The following MAGI1 variants were observed in gnomAD, a reference collection of about 807,000 sequenced individuals.
The protein encoded by MAGI1 is membrane associated guanylate kinase, WW and PDZ domain containing 1.
MAGI1 carries 58 observed loss-of-function variants against 139.9 expected under a neutral mutation model. The observed-to-expected ratio is 0.41, with a 90% CI of 0.34 to 0.52. The LOEUF (loss-of-function observed/expected upper bound fraction) is 0.52, where lower values mean the gene tolerates loss of function less well. Ranked by LOEUF, MAGI1 falls within the 20% of genes least tolerant of loss-of-function variation. The pLI, the probability that MAGI1 is intolerant of heterozygous loss-of-function variation, is 0.12. For missense variants in MAGI1, 1,874 were observed against 1,901.6 expected, an observed-to-expected ratio of 0.99 and a Z score of 0.27; for synonymous variants, 812 against 737.9, an observed-to-expected ratio of 1.10 and a Z score of -1.63.
chr3:65,446,724 A>T (rs1354148038), intron 7 of MAGI1, among the ~76,000 whole-genome samples: 1 of 152,164 alleles, frequency 6.6e-6, no homozygotes. Context: ...ATATCATTGG[A>T]TTGACAAATT....
intron 12 of MAGI1, among the ~76,000 whole-genome samples, chr3:65,408,089 T>A (rs549079698): frequency 1.3e-5 from 2 of 152,366 alleles, no homozygotes; most frequent in South Asian, 4.1e-4. Context: ...CTTTGAAACC[T>A]TCACTAGTGA....
At chr3:65,478,567 G>A (rs749004464) in intron 4 of MAGI1, 25 bp downstream of exon 4, 5 of 1,605,554 alleles carry the variant, frequency 3.1e-6, no homozygotes, top group Admixed American at 1.7e-5. Flanking sequence ...CAGGTCCATT[G>A]AGGGCAACAT....
At chr3:65,833,593 G>A (rs866802458) in intron 1 of MAGI1, among the ~76,000 whole-genome samples, 4 of 152,088 alleles carry the variant, frequency 2.6e-5, no homozygotes, top group Non-Finnish European at 4.4e-5. Flanking sequence ...AATCATCGAC[G>A]ACTTACCTAT....
intron 1 of MAGI1, among the ~76,000 whole-genome samples, chr3:65,745,984 C>T (rs1332424972): frequency 6.6e-6 from 1 of 152,100 alleles, no homozygotes; most frequent in Non-Finnish European, 1.5e-5. Flanking sequence ...CCCACCTCAG[C>T]TTCCCAAAGT....
chr3:65,551,564 T>C (rs997338990), intron 2 of MAGI1, among the ~76,000 whole-genome samples: 32 of 152,286 alleles, frequency 2.1e-4, no homozygotes, highest in South Asian at 1.4e-3. Context: ...CCTCCCAAAG[T>C]GCTGGGATTA....
chr3:65,483,560 A>C (rs1951424576), intron 3 of MAGI1, among the ~76,000 whole-genome samples: 1 of 152,244 alleles, frequency 6.6e-6, no homozygotes, highest in Non-Finnish European at 1.5e-5. Context: ...AAGTGATTAA[A>C]AACTTAATTG....
At chr3:65,412,480 T>C (rs1945868552) in intron 12 of MAGI1, among the ~76,000 whole-genome samples, 15 of 152,360 alleles carry the variant, frequency 9.8e-5, no homozygotes, top group Admixed American at 9.1e-4. Flanking sequence ...ATTTATATTG[T>C]TTATTGTTTA....
intron 5 of MAGI1, among the ~76,000 whole-genome samples, chr3:65,463,545 A>T (rs2107547163): frequency 6.9e-6 from 1 of 145,152 alleles, no homozygotes; most frequent in South Asian, 2.3e-4. Context: ...TTCATCAGGG[A>T]TATTGGCCTG....
At chr3:65,725,618 T>C (rs1019407648) in intron 1 of MAGI1, among the ~76,000 whole-genome samples, 28 of 152,162 alleles carry the variant, frequency 1.8e-4, no homozygotes, top group Admixed American at 1.1e-3. Context: ...TTCTCTGGCA[T>C]AGCATGGAAA....
chr3:65,854,564 A>C (rs913381956), intron 1 of MAGI1, among the ~76,000 whole-genome samples: 2 of 152,264 alleles, frequency 1.3e-5, no homozygotes, highest in East Asian at 3.8e-4. Flanking sequence ...TTTTCTGAAA[A>C]ATGGATAACT....
chr3:65,810,363 T>C (rs892191962), intron 1 of MAGI1, among the ~76,000 whole-genome samples: 1 of 152,254 alleles, frequency 6.6e-6, no homozygotes. Context: ...GGCTCATGAA[T>C]GTGGCAGTAA....
chr3:65,832,953 C>T (rs564141066), intron 1 of MAGI1, among the ~76,000 whole-genome samples: 1 of 152,322 alleles, frequency 6.6e-6, no homozygotes, highest in East Asian at 1.9e-4. Context: ...ATTCTTACTA[C>T]ATTTCACTAA....
chr3:65,676,852 T>C (rs17434119), intron 1 of MAGI1, among the ~76,000 whole-genome samples: 27,664 of 152,220 alleles, frequency 0.18, 3,436 homozygotes, highest in Non-Finnish European at 0.28. Context: ...GGGACACTAT[T>C]GTGTTCAACA....
At chr3:65,684,839 C>T (rs1013897811) in intron 1 of MAGI1, among the ~76,000 whole-genome samples, 2 of 150,728 alleles carry the variant, frequency 1.3e-5, no homozygotes, top group Non-Finnish European at 2.9e-5. Context: ...GCATTTGAGA[C>T]CACAGGTGCA....
intron 1 of MAGI1, among the ~76,000 whole-genome samples, chr3:66,032,646 C>T (rs895599492): frequency 1.3e-5 from 2 of 151,588 alleles, no homozygotes; most frequent in East Asian, 2.0e-4. Flanking sequence ...GGGCCCGTTG[C>T]GGTGGCTCAC....
intron 1 of MAGI1, among the ~76,000 whole-genome samples, chr3:65,717,208 G>A (rs1365651970): frequency 1.3e-5 from 2 of 152,092 alleles, no homozygotes; most frequent in African/African-American, 2.4e-5. Flanking sequence ...ACAAACAACC[G>A]AAAAGTCAAA....
intron 1 of MAGI1, among the ~76,000 whole-genome samples, chr3:65,984,238 G>C (rs1044003880): frequency 8.5e-5 from 13 of 152,194 alleles, no homozygotes; most frequent in African/African-American, 3.1e-4. Flanking sequence ...AGGTTGCAGT[G>C]AGCCAAGATT....
At chr3:65,959,810 T>TTTC (rs1693358337) in intron 1 of MAGI1, among the ~76,000 whole-genome samples, 1 of 121,490 alleles carries the variant, frequency 8.2e-6, no homozygotes, top group Non-Finnish European at 1.7e-5. Context: ...TTTTTTTTTT[T>TTTC]TTTTTTTTTT....
In MAGI1 at chr3:65,819,768, T is replaced by C. The variant is rs1484681457; in HGVS notation, c.314-197680A>G. ...GGTGCATGTCTGTAGTCCCAGCTGC[T>C]CAGGAGGCTGAGGCAGGAGAATCGC... On this transcript the variant is annotated intron_variant, in intron 1 of 22. Transcript: ENST00000402939. Among the ~76,000 whole-genome samples, 5 of 148,482 alleles carry C rather than the reference T, an allele frequency of 3.4e-5. No homozygotes were observed. In the East Asian group the frequency reaches 8.0e-4, roughly 24 times the overall value.
Sources: gnomAD v4.1 joint callset for allele counts (sites outside exome capture counted in the v4.1 genomes callset) on GRCh38, gnomAD v4.1.1 for gene constraint, MANE v1.5 for transcripts, NCBI Gene and HGNC (gene_info 2026-07-23, HGNC 2026-07-21) for gene names.